PAX7: variants seen among roughly 807,000 people sequenced by gnomAD.
The protein encoded by PAX7 is paired box protein Pax-7.
A neutral mutation model predicts 50.7 loss-of-function variants in PAX7; 18 were observed. The observed-to-expected ratio is 0.36, with a 90% CI of 0.25 to 0.53. The LOEUF (loss-of-function observed/expected upper bound fraction) is 0.53, where lower values mean the gene tolerates loss of function less well. PAX7 is among the 20% of genes least tolerant of loss of function. PAX7 has a pLI of 0.93. For missense variants in PAX7, 644 were observed against 702.9 expected (o/e 0.92, Z 0.95); for synonymous variants, 310 against 290.4 (o/e 1.07, Z -0.69).
At chr1:18,667,391 A>AAAGGAAGGAAGGAAGGAAGGAAGG (rs3080496) in intron 4 of PAX7, among the ~76,000 whole-genome samples, 37 of 113,450 alleles carry the variant, frequency 3.3e-4, no homozygotes, top group East Asian at 8.6e-4. Flanking sequence ...AAGGAAGGAG[A>AAAGGAAGGAAGGAAGGAAGGAAGG]AAGGAAGGAA....
chr1:18,702,918 C>CT (rs2100326575), intron 6 of PAX7, among the ~76,000 whole-genome samples, 176 bp from the exon 7 acceptor site: 1 of 152,292 alleles, frequency 6.6e-6, no homozygotes, highest in Admixed American at 6.5e-5. Context: ...TGGCCAGTGC[C>CT]TACTGCCCTG....
intron 5 of PAX7, among the ~76,000 whole-genome samples, chr1:18,694,589 G>A (rs975592218): frequency 1.6e-4 from 25 of 152,104 alleles, no homozygotes; most frequent in African/African-American, 5.6e-4. Context: ...CATCCCCAAA[G>A]GGTTAACCCA....
chr1:18,723,073 C>T (rs1457277306), intron 7 of PAX7, among the ~76,000 whole-genome samples: 2 of 152,144 alleles, frequency 1.3e-5, no homozygotes, highest in Non-Finnish European at 2.9e-5. Context: ...ATTAATGGGC[C>T]CCCAAATGTG....
intron 4 of PAX7, among the ~76,000 whole-genome samples, chr1:18,671,553 G>A (rs895013048): frequency 6.6e-6 from 1 of 152,110 alleles, no homozygotes; most frequent in Admixed American, 6.5e-5. Context: ...TGGGCCCTGG[G>A]AGGACGACCT....
At chr1:18,711,797 A>G (rs1570210253) in intron 7 of PAX7, among the ~76,000 whole-genome samples, 1 of 152,134 alleles carries the variant, frequency 6.6e-6, no homozygotes, top group African/African-American at 2.4e-5. Context: ...CGGTTGGTAC[A>G]GAGTCAGGGG....
chr1:18,721,641 G>A (rs1390970839), intron 7 of PAX7, among the ~76,000 whole-genome samples: 2 of 152,238 alleles, frequency 1.3e-5, no homozygotes, highest in Non-Finnish European at 2.9e-5. Context: ...AGGCTGCTGG[G>A]GGCCTCTGGG....
intron 4 of PAX7, among the ~76,000 whole-genome samples, chr1:18,688,822 G>A (rs1245973283): frequency 6.6e-6 from 1 of 152,220 alleles, no homozygotes; most frequent in Non-Finnish European, 1.5e-5. Context: ...GGTGAGGCAC[G>A]ACAACCATTT....
intron 8 of PAX7, among the ~76,000 whole-genome samples, chr1:18,740,996 G>C (rs1348557525): frequency 2.6e-5 from 4 of 152,206 alleles, no homozygotes; most frequent in African/African-American, 4.8e-5. Context: ...AGGGAAGCAG[G>C]GAGGGAGATG....
At chr1:18,647,753 A>G (rs1035111331) in intron 4 of PAX7, among the ~76,000 whole-genome samples, 1 of 152,118 alleles carries the variant, frequency 6.6e-6, no homozygotes, top group African/African-American at 2.4e-5. Flanking sequence ...GGCTTCTTTC[A>G]GTCACTCCCC....
At chr1:18,635,905 G>A (rs988214493) in intron 3 of PAX7, among the ~76,000 whole-genome samples, 1 of 152,106 alleles carries the variant, frequency 6.6e-6, no homozygotes, top group Non-Finnish European at 1.5e-5. Flanking sequence ...AGGAGCTGGA[G>A]AGACTCCAGA....
At chr1:18,679,438 C>T (rs950505608) in intron 4 of PAX7, among the ~76,000 whole-genome samples, 7 of 152,172 alleles carry the variant, frequency 4.6e-5, no homozygotes, top group African/African-American at 1.7e-4. Context: ...GATGGGTGGT[C>T]AGGCTGCCTT....
chr1:18,738,044 G>T (rs890721279), intron 8 of PAX7, among the ~76,000 whole-genome samples: 3 of 152,176 alleles, frequency 2.0e-5, no homozygotes, highest in Non-Finnish European at 4.4e-5. Flanking sequence ...AGGGGTGAGT[G>T]TATGAGTGTA....
At position 18,696,117 on chromosome 1, in the gene PAX7, G is replaced by A. The variant is rs538483150; in HGVS notation, c.786+4164G>A. Among the ~76,000 whole-genome samples, 8 of 147,874 alleles carry A rather than the reference G, an allele frequency of 5.4e-5. No homozygotes were observed. The South Asian group carries it at 1.5e-3, about 28-fold the overall frequency. ...AGTTTCACTCATCGCCCAGGCTGGA[G>A]TGCAATGGCGCAGTCTCAGCTCACT... On this transcript the variant is annotated intron_variant, in intron 5 of 8. Transcript: ENST00000420770.
At chr1:18,744,696 G>A (rs140029054) in intron 8 of PAX7, 118 bp from the exon 9 acceptor site, 5,040 of 379,192 alleles carry the variant, frequency 0.013, 62 homozygotes, top group African/African-American at 0.089. Context: ...ATAAATGGAT[G>A]GATGGATGGA....
chr1:18,672,467 C>G (rs904006564), intron 4 of PAX7, among the ~76,000 whole-genome samples: 1 of 152,134 alleles, frequency 6.6e-6, no homozygotes, highest in African/African-American at 2.4e-5. Context: ...CCATGGCTGG[C>G]AGGAGGTGTG....
chr1:18,638,758 C>T (rs953192769), intron 4 of PAX7, among the ~76,000 whole-genome samples: 7 of 152,110 alleles, frequency 4.6e-5, no homozygotes, highest in Non-Finnish European at 8.8e-5. Flanking sequence ...GCCATCTATC[C>T]ATCTGTGAGC....
At chr1:18,659,889 C>T (rs2088575667) in intron 4 of PAX7, among the ~76,000 whole-genome samples, 1 of 152,200 alleles carries the variant, frequency 6.6e-6, no homozygotes, top group Non-Finnish European at 1.5e-5. Context: ...TCAACCTCCT[C>T]CCACCTTTGT....
At position 18,703,269 on chromosome 1, in the gene PAX7, C is replaced by G. The variant is rs890664448; in HGVS notation, c.1128C>G (p.Asn376Lys). ...CGGCGGCGCCCTCCAACCACATGAA[C>G]CCGGTCAGCAACGGCCTGTCTCCTC... ...MNPAAPSNHM[N>K]PVSNGLSPQV... Residue 376 changes from asparagine (N) to lysine (K), a missense_variant, in exon 7 of 9, where the codon AAC (asparagine) becomes AAG (lysine). Coordinates refer to ENST00000420770, the MANE Select transcript of PAX7 (RefSeq NM_001135254.2). 2 of 1,614,148 alleles carry G rather than the reference C, an allele frequency of 1.2e-6. No homozygotes were observed. The highest frequency in any genetic ancestry group is 1.7e-5 in the Admixed American group (1 of 60,028).
intron 7 of PAX7, among the ~76,000 whole-genome samples, chr1:18,708,315 G>A (rs1426783931): frequency 1.3e-5 from 2 of 152,098 alleles, no homozygotes; most frequent in African/African-American, 4.8e-5. Context: ...CAGCACTTTG[G>A]GAGGCCGAGG....
Sources: allele counts gnomAD v4.1 joint callset (sites outside exome capture counted in the v4.1 genomes callset), GRCh38; gene constraint gnomAD v4.1.1; transcripts MANE v1.5; gene names NCBI Gene and HGNC (gene_info 2026-07-23, HGNC 2026-07-21).